The following NFIA variants were observed in gnomAD, a reference collection of about 807,000 sequenced individuals.
The protein encoded by NFIA is nuclear factor 1 A-type.
A neutral mutation model predicts 62.8 loss-of-function variants in NFIA; 8 were observed. The ratio of observed to expected loss-of-function variants is 0.13; its 90% CI spans 0.07 to 0.23. The LOEUF is 0.23. NFIA is among the 10% of genes least tolerant of loss of function. The probability of loss-of-function intolerance (pLI) is 1.00; values close to 1 mark genes in which losing one functional copy is unlikely to be tolerated. For synonymous variants in NFIA, 235 were observed against 238.1 expected (o/e 0.99, Z 0.12); for missense variants, 410 against 642.1 (o/e 0.64, Z 3.91).
chr1:61,240,092 C>T (rs892720772), intron 2 of NFIA, among the ~76,000 whole-genome samples: 5 of 152,178 alleles, frequency 3.3e-5, no homozygotes, highest in Non-Finnish European at 7.4e-5. Context: ...TGTCTTTCTA[C>T]GTGATGTTCT....
At chr1:61,333,697 A>G (rs906964796) in intron 4 of NFIA, among the ~76,000 whole-genome samples, 1 of 152,218 alleles carries the variant, frequency 6.6e-6, no homozygotes, top group African/African-American at 2.4e-5. Flanking sequence ...TAAGTTATTT[A>G]TCCAAAGTCA....
chr1:61,295,459 T>C (rs1471274535), intron 3 of NFIA, among the ~76,000 whole-genome samples: 1 of 152,242 alleles, frequency 6.6e-6, no homozygotes, highest in South Asian at 2.1e-4. Context: ...GTTCAGAACA[T>C]GGGTAAAGTT....
At chr1:61,148,335 G>A (rs548456340) in intron 2 of NFIA, among the ~76,000 whole-genome samples, 2 of 152,080 alleles carry the variant, frequency 1.3e-5, no homozygotes, top group East Asian at 1.9e-4. Flanking sequence ...CATTCTTTCC[G>A]GCCTTTGGAC....
Position 61,096,547 on chromosome 1 carries a change from C to CTTTTTTTTTTT in NFIA, c.559+7880_559+7890dup, listed in dbSNP as rs369305204. 2.6e-4 allele frequency among the ~76,000 whole-genome samples: 21 copies of CTTTTTTTTTTT among 80,594 alleles called. 1 individual carries two copies. The highest frequency in any genetic ancestry group is 1.0e-3 in the African/African-American group (19 of 18,596). The allele number at this position is 80,594 out of a possible 152,430, so 52.9% of individuals were successfully genotyped here. On this transcript the variant is annotated intron_variant, in intron 2 of 10. Transcript: ENST00000403491. ...TCTTTAAACTTAGTCAAGATTAGTT[C>CTTTTTTTTTTT]TTTTTTTTTTTTTTTTTTTTTTTGA...
chr1:61,268,565 T>TA (rs1657317327), intron 2 of NFIA, among the ~76,000 whole-genome samples: 1 of 152,194 alleles, frequency 6.6e-6, no homozygotes, highest in Admixed American at 6.5e-5. Context: ...ACCTTACTTT[T>TA]AGACAGTTGT....
intron 5 of NFIA, among the ~76,000 whole-genome samples, chr1:61,358,367 T>TTTTCTTTCTTTCTTTC (rs1388549790): frequency 1.5e-4 from 18 of 117,344 alleles, no homozygotes; most frequent in African/African-American, 7.0e-4. Context: ...TTTTCTTTTC[T>TTTTCTTTCTTTCTTTC]TTTCTTTCTT....
In NFIA at chr1:61,458,687, C is replaced by CTTTTT. The variant is rs373669664; in HGVS notation, c.*3380_*3384dup. The CTTTTT allele has an allele frequency of 1.6e-5, 2 of 127,408 alleles. No homozygotes were observed. Among genetic ancestry groups the CTTTTT allele is most frequent in the African/African-American group, 5.6e-5 (2 of 35,948 alleles). 7.9% of individuals were successfully genotyped at this position (127,408 alleles called of 1,614,324 possible). On this transcript the variant is annotated 3_prime_UTR_variant, in exon 11 of 11. Coordinates refer to ENST00000403491, the MANE Select transcript of NFIA (RefSeq NM_001134673.4). ...TTTAAGTTTAAAACTTTCCTGTTTCCTTTTTTTTTTTTTTTTTGTAAGTAT... is the reference window on the plus strand; with the variant it reads ...TTTAAGTTTAAAACTTTCCTGTTTCCTTTTTTTTTTTTTTTTTTTTTTGTAAGTAT...
rs889101527 is a variant in NFIA, at chr1:61,137,016, G to A, written c.559+48336G>A. On this transcript the variant is annotated intron_variant, in intron 2 of 10. Coordinates refer to ENST00000403491, the MANE Select transcript of NFIA (RefSeq NM_001134673.4). ...AGAAGGAACTTCCACTGAGTTAAGA[G>A]TGGTTTCAAGCAAACTGTCCTATAA... Among the ~76,000 whole-genome samples, 6 of 152,186 alleles carry A rather than the reference G, an allele frequency of 3.9e-5. No individual in the cohort carries two copies. In the South Asian group the frequency reaches 1.2e-3, roughly 32 times the overall value.
chr1:61,302,775 A>G (rs1308007779), intron 3 of NFIA, among the ~76,000 whole-genome samples: 1 of 152,218 alleles, frequency 6.6e-6, no homozygotes, highest in Non-Finnish European at 1.5e-5. Flanking sequence ...TAAGTTTTCA[A>G]TGTGTTTCCT....
rs1665700202 is a variant in NFIA at position 61,404,104 on chromosome 1, C to T, written c.1076C>T (p.Ala359Val). 2 of 1,613,778 alleles carry T rather than the reference C, an allele frequency of 1.2e-6. No individual in the cohort carries two copies. The highest frequency in any genetic ancestry group is 4.5e-5 in the East Asian group (2 of 44,872). Residue 359 changes from alanine to valine, a missense_variant and splice_region_variant, in exon 8 of 11, where the codon GCA becomes GTA. Ala to Val is a moderately conservative substitution (Grantham distance 64, BLOSUM62 0). Transcript: ENST00000403491. ...HHRPVITGPR[A>V]SPHATPSTLH... Reference sequence around the variant, plus strand: ...ACCCTGATGTTTTCTTTTCCTGCAGCAAGTCCGCATGCAACACCATCGACT... The same window carrying T: ...ACCCTGATGTTTTCTTTTCCTGCAGTAAGTCCGCATGCAACACCATCGACT...
intron 2 of NFIA, among the ~76,000 whole-genome samples, chr1:61,131,846 T>C (rs1356274680): frequency 2.0e-5 from 3 of 152,176 alleles, no homozygotes; most frequent in Admixed American, 6.5e-5. Context: ...TTTTCATACA[T>C]TGAAGCCTGG....
Position 61,406,543 on chromosome 1 carries a change from G to GCCCCCC in NFIA, c.1255-10_1255-5dup. 1.1e-6 allele frequency: 1 copy of GCCCCCC among 876,650 alleles called. No homozygotes were observed. Among genetic ancestry groups the GCCCCCC allele is most frequent in the Non-Finnish European group, 1.5e-6 (1 of 653,740 alleles). The allele number at this position is 876,650 out of a possible 1,614,324, so 54.3% of individuals were successfully genotyped here. A position where few individuals can be genotyped will look rare whatever the true frequency, so the allele number is the denominator to read the frequency against. On this transcript the variant is annotated intron_variant, in intron 8 of 10. Transcript: ENST00000403491. ...TCTTTTTCTTGTACGTGTGTTTTCT[G>GCCCCCC]CCCCCCCCCCCCCCACAGCCCAATG...
At chr1:61,237,176 A>G (rs1655060882) in intron 2 of NFIA, among the ~76,000 whole-genome samples, 1 of 152,226 alleles carries the variant, frequency 6.6e-6, no homozygotes. Context: ...ATAGTTGGTG[A>G]TATAGTTATC....
intron 1 of NFIA, among the ~76,000 whole-genome samples, chr1:61,086,529 C>G (rs1454995679): frequency 6.6e-6 from 1 of 152,090 alleles, no homozygotes; most frequent in African/African-American, 2.4e-5. Flanking sequence ...GACTACTTCT[C>G]TTTTGGATTC....
intron 2 of NFIA, among the ~76,000 whole-genome samples, chr1:61,144,071 A>G (rs983592670): frequency 6.6e-6 from 1 of 152,244 alleles, no homozygotes. Flanking sequence ...TTATGTGCCA[A>G]GTAGATTGTT....
At chr1:61,383,114 T>G (rs1001790502) in intron 6 of NFIA, 123 bp from the exon 7 acceptor site, 23 of 1,261,340 alleles carry the variant, frequency 1.8e-5, no homozygotes, top group Non-Finnish European at 2.6e-5. Context: ...CACAACATCT[T>G]TTTCATTCAC....
At chr1:61,446,854 G>A (rs1020242760) in intron 10 of NFIA, among the ~76,000 whole-genome samples, 7 of 152,208 alleles carry the variant, frequency 4.6e-5, no homozygotes, top group East Asian at 1.9e-4. Flanking sequence ...AAGAGCAAGA[G>A]CGAGGAGGCA....
chr1:61,437,753 G>C (rs1222749283), intron 10 of NFIA, among the ~76,000 whole-genome samples: 1 of 152,202 alleles, frequency 6.6e-6, no homozygotes, highest in East Asian at 1.9e-4. Context: ...GAGTGGTTTT[G>C]AAGGAGACAG....
At chr1:61,142,220 GACTGCAATTTC>G (rs1357943965) in intron 2 of NFIA, among the ~76,000 whole-genome samples, 1 of 151,922 alleles carries the variant, frequency 6.6e-6, no homozygotes, top group Non-Finnish European at 1.5e-5. Flanking sequence ...CAACTAAAAA[GACTGCAATTTC>G]AAATGAGAAA....
Sources: allele counts gnomAD v4.1 joint callset (sites outside exome capture counted in the v4.1 genomes callset), GRCh38; gene constraint gnomAD v4.1.1; transcripts MANE v1.5; gene names NCBI Gene and HGNC (gene_info 2026-07-23, HGNC 2026-07-21).